CLCN7: variants seen among roughly 807,000 people sequenced by gnomAD.
CLCN7 encodes Cl-/H+ antiporter 7, also known as H(+)/Cl(-) exchange transporter 7.
In CLCN7, 60 loss-of-function variants were observed where a neutral mutation model predicts 102.1. That is an observed-to-expected ratio of 0.59 (90% confidence interval 0.48 to 0.73). CLCN7 has a LOEUF of 0.73. Ranked by LOEUF, CLCN7 falls within the 30% of genes least tolerant of loss-of-function variation. The pLI is 0.00. For synonymous variants in CLCN7, 560 were observed against 490.5 expected (o/e 1.14, Z -1.87); for missense variants, 962 against 1,125.7 (o/e 0.85, Z 2.08).
intron 1 of CLCN7, among the ~76,000 whole-genome samples, chr16:1,470,598 T>C (rs1034798324): frequency 6.6e-6 from 1 of 152,218 alleles, no homozygotes; most frequent in East Asian, 1.9e-4. Context: ...AGACAGACAC[T>C]GAACAGCAAT....
At chr16:1,452,137 C>T (rs2038761858) in intron 15 of CLCN7, 2 of 306,322 alleles carry the variant, frequency 6.5e-6, no homozygotes, top group African/African-American at 2.2e-5. Context: ...ATCCACGGGG[C>T]TGGAGCAGAG....
Position 1,448,721 on chromosome 16 carries a change from G to A in CLCN7, c.1843C>T (p.His615Tyr), listed in dbSNP as rs2038694268. Residue 615 changes from histidine to tyrosine, a missense_variant, in exon 20 of 25, where the codon CAC becomes TAC. Coordinates refer to ENST00000382745, the MANE Select transcript of CLCN7 (RefSeq NM_001287.6). The stretch of plus-strand genomic sequence containing the variant: ...TGTGAGGTGACCGGGGCCTCCCAGT[G>A]CAGGAAGGGCACACTCTGCAGCTGA... ...HIQLQSVPFL[H>Y]WEAPVTSHSL... 1.2e-6 allele frequency: 2 copies of A among 1,612,560 alleles called. No homozygotes were observed. Among genetic ancestry groups the A allele is most frequent in the Non-Finnish European group, 1.7e-6 (2 of 1,179,984 alleles).
In CLCN7 at chr16:1,466,097, T is replaced by C. The variant is rs564439490; in HGVS notation, c.142-759A>G. Among the ~76,000 whole-genome samples the C allele has an allele frequency of 2.8e-4, 43 of 152,324 alleles. 1 individual carries two copies. The South Asian group carries it at 8.5e-3, about 30-fold the overall frequency. ...GAATCTTTAGCAACATCTGGGGACA[T>C]GAAGGGAAGAAGGGCTGCCTTCCAG... On this transcript the variant is annotated intron_variant, in intron 1 of 24. Coordinates refer to ENST00000382745, the MANE Select transcript of CLCN7 (RefSeq NM_001287.6).
At chr16:1,462,182 C>T (rs1266738993) in intron 2 of CLCN7, among the ~76,000 whole-genome samples, 1 of 151,574 alleles carries the variant, frequency 6.6e-6, no homozygotes, top group East Asian at 2.0e-4. Flanking sequence ...TCCAGCAATG[C>T]CAGGAGCAAG....
rs752825359 is a variant in CLCN7 at position 1,446,341 on chromosome 16, A to C, written c.*290T>G. ...GCTCCCAAGAGGCCGATAGCCCGGT[A>C]GGGAGGTCACACACACACAGCTGAT... On this transcript the variant is annotated 3_prime_UTR_variant, in exon 25 of 25. Transcript: ENST00000382745. 1.4e-6 allele frequency: 1 copy of C among 702,052 alleles called. No individual in the cohort carries two copies. Among genetic ancestry groups the C allele is most frequent in the South Asian group, 1.5e-5 (1 of 67,582 alleles). The allele number at this position is 702,052 out of a possible 1,614,324, so 43.5% of individuals were successfully genotyped here. A position where few individuals can be genotyped will look rare whatever the true frequency, so the allele number is the denominator to read the frequency against.
chr16:1,458,164 C>T (rs942503079), intron 7 of CLCN7, among the ~76,000 whole-genome samples: 5 of 152,236 alleles, frequency 3.3e-5, no homozygotes, highest in Non-Finnish European at 5.9e-5. Context: ...TGGTCACCTG[C>T]GGCTCCACGA....
At chr16:1,462,356 C>A (rs2038949227) in intron 2 of CLCN7, among the ~76,000 whole-genome samples, 1 of 140,272 alleles carries the variant, frequency 7.1e-6, no homozygotes, top group African/African-American at 2.6e-5. Context: ...GAGTAAAACC[C>A]TCATCTGTCT....
rs755379593 is a variant in CLCN7, at chr16:1,451,596, C to T, written c.1447+27G>A. The T allele has an allele frequency of 1.4e-5, 22 of 1,596,578 alleles. No individual in the cohort carries two copies. The South Asian group carries it at 2.3e-4, about 17-fold the overall frequency. On this transcript the variant is annotated intron_variant, in intron 16 of 24. Coordinates refer to ENST00000382745, the MANE Select transcript of CLCN7 (RefSeq NM_001287.6). ...ATCACCCAGGCCCTGATCCCAGGGC[C>T]TGCCCAGCGGCACTGCCCACACACA...
In CLCN7 at chr16:1,453,902, CA is replaced by C; in HGVS notation, c.1154-9del. 6.2e-7 allele frequency: 1 copy of C among 1,613,078 alleles called. No individual in the cohort carries two copies. The highest frequency in any genetic ancestry group is 8.5e-7 in the Non-Finnish European group (1 of 1,180,012). ...CTGCTCCAAGCACACCGCCTGCGAA[CA>C]GGGGAAAGGCCAGTCAGCGACACCG... On this transcript the variant is annotated splice_polypyrimidine_tract_variant and intron_variant, in intron 13 of 24. Coordinates refer to ENST00000382745, the MANE Select transcript of CLCN7 (RefSeq NM_001287.6).
intron 11 of CLCN7, 96 bp downstream of exon 11, chr16:1,455,635 C>T (rs910073722): frequency 2.0e-5 from 26 of 1,322,870 alleles, no homozygotes; most frequent in Admixed American, 3.6e-5. Flanking sequence ...CAGCTCCAGC[C>T]GCAGCTCGAT....
rs962548941 is a variant in CLCN7 at position 1,474,858 on chromosome 16, C to G, written c.117G>C (p.Gly39=). ...CCTGGCGCGCAGCCCCAGGCCCAGC[C>G]CCGTTCAGCAGCGGCGTCCCCCCGC... is the stretch of plus-strand genomic sequence containing the variant. ...RPGGGTPLLN[G]AGPGAARQSP... The change falls in exon 1 of 25, where the codon GGG becomes GGC. Residue 39 remains glycine (G), a synonymous_variant. Transcript: ENST00000382745. 44 of 1,440,724 alleles carry G rather than the reference C, an allele frequency of 3.1e-5. No homozygotes were observed. In the African/African-American group the frequency reaches 6.6e-4, roughly 21 times the overall value. The allele number at this position is 1,440,724 out of a possible 1,614,324, so 89.2% of individuals were successfully genotyped here.
chr16:1,458,544 C>T (rs1211620139), intron 7 of CLCN7, among the ~76,000 whole-genome samples: 2 of 152,204 alleles, frequency 1.3e-5, no homozygotes, highest in East Asian at 1.9e-4. Context: ...TCCTTGGCCA[C>T]GGGGACCAGG....
intron 16 of CLCN7, 131 bp downstream of exon 16, chr16:1,451,492 C>T (rs377007591): frequency 2.6e-5 from 19 of 716,984 alleles, no homozygotes; most frequent in South Asian, 1.9e-4. Flanking sequence ...GAGTGAGTCC[C>T]TGCTATGATC....
chr16:1,460,076 C>A (rs2038908904), intron 6 of CLCN7, among the ~76,000 whole-genome samples: 1 of 152,046 alleles, frequency 6.6e-6, no homozygotes, highest in Non-Finnish European at 1.5e-5. Context: ...TGCTCTCACT[C>A]TTCCCAGCCC....
chr16:1,449,399 G>A (rs1375740748), intron 17 of CLCN7, 72 bp from the exon 18 acceptor site: 66 of 1,465,822 alleles, frequency 4.5e-5, no homozygotes, highest in Non-Finnish European at 5.8e-5. Flanking sequence ...ACAGACGGAG[G>A]AGGCCCTGCC....
Position 1,457,554 on chromosome 16 carries a change from C to T in CLCN7, c.738+140G>A, listed in dbSNP as rs2038855431. ...CGGCCCTTCCTGGAGACCAGAAGGACCGGTGCTCAGAGACACGCGTGACGC... is the reference window on the plus strand; with the variant it reads ...CGGCCCTTCCTGGAGACCAGAAGGATCGGTGCTCAGAGACACGCGTGACGC... On this transcript the variant is annotated intron_variant, in intron 8 of 24. Transcript: ENST00000382745. The surrounding 1 kb of genome is among the most constrained non-coding windows in gnomAD (Gnocchi z 5.4). 1.4e-6 allele frequency: 1 copy of T among 699,804 alleles called. No individual in the cohort carries two copies. Among genetic ancestry groups the T allele is most frequent in the South Asian group, 1.5e-5 (1 of 66,354 alleles). 43.3% of individuals were successfully genotyped at this position (699,804 alleles called of 1,614,324 possible).
At chr16:1,461,367 G>A (rs562490779) in intron 4 of CLCN7, 38 bp downstream of exon 4, 49 of 1,521,084 alleles carry the variant, frequency 3.2e-5, no homozygotes, top group Middle Eastern at 2.3e-4. Context: ...ACCAGGCCCC[G>A]CACCGTGGGG....
intron 1 of CLCN7, among the ~76,000 whole-genome samples, chr16:1,465,562 C>T (rs868390183): frequency 2.0e-5 from 3 of 152,190 alleles, no homozygotes; most frequent in Non-Finnish European, 2.9e-5. Flanking sequence ...GTCAGCGACA[C>T]GTCCAGCCCG....
At chr16:1,474,130 G>C (rs542205338) in intron 1 of CLCN7, 1 of 455,664 alleles carries the variant, frequency 2.2e-6, no homozygotes, top group Admixed American at 2.4e-5. Context: ...GGAAACAAAT[G>C]TACCCGCAAC....
Sources: allele counts gnomAD v4.1 joint callset (sites outside exome capture counted in the v4.1 genomes callset), GRCh38; gene constraint gnomAD v4.1.1; non-coding constraint Gnocchi (gnomAD v3.1); transcripts MANE v1.5; gene names NCBI Gene and HGNC (gene_info 2026-07-23, HGNC 2026-07-21).